The following STAT5B variants were observed in gnomAD, a reference collection of about 807,000 sequenced individuals.
STAT5B encodes the protein signal transducer and activator of transcription 5B.
STAT5B carries 21 observed loss-of-function variants against 107.8 expected under a neutral mutation model. The observed-to-expected ratio is 0.19, with a 90% CI of 0.14 to 0.28. The LOEUF is 0.28. Among genes scored for constraint, STAT5B ranks in the 10% least tolerant of loss-of-function variants. The probability of loss-of-function intolerance (pLI) is 1.00; values close to 1 mark genes in which losing one functional copy is unlikely to be tolerated. For missense variants in STAT5B, 565 were observed against 1,008.2 expected, an observed-to-expected ratio of 0.56 and a Z score of 5.95; for synonymous variants, 325 against 401.7, an observed-to-expected ratio of 0.81 and a Z score of 2.28.
At chr17:42,257,691 G>C (rs1009002427) in intron 1 of STAT5B, among the ~76,000 whole-genome samples, 1 of 152,168 alleles carries the variant, frequency 6.6e-6, no homozygotes, top group Admixed American at 6.5e-5. Context: ...ATAGAGCATG[G>C]AGTTAAAAAT....
intron 16 of STAT5B, among the ~76,000 whole-genome samples, chr17:42,206,781 G>C: frequency 6.6e-6 from 1 of 151,576 alleles, no homozygotes; most frequent in East Asian, 1.9e-4. Flanking sequence ...CTCCACGTTG[G>C]TCAGGCTGGT....
intron 12 of STAT5B, among the ~76,000 whole-genome samples, chr17:42,215,533 G>A (rs900418733): frequency 1.3e-5 from 2 of 152,140 alleles, no homozygotes; most frequent in African/African-American, 4.8e-5. Context: ...TTCAAACCCT[G>A]GCCCGATGTC....
rs2080133218 is a variant in STAT5B at position 42,211,976 on chromosome 17, C to A, written c.1680+8G>T. ...GATCTAACAGCGGCTGGCAGCTGGG[C>A]TCCTCACCCTGTTGAACTGGGACCA... On this transcript the variant is annotated splice_region_variant and intron_variant, in intron 13 of 18. Transcript: ENST00000293328. 1.2e-6 allele frequency: 2 copies of A among 1,607,068 alleles called. No homozygotes were observed. The highest frequency in any genetic ancestry group is 1.7e-6 in the Non-Finnish European group (2 of 1,176,876).
intron 3 of STAT5B, among the ~76,000 whole-genome samples, chr17:42,227,302 A>C (rs971471496): frequency 6.6e-6 from 1 of 151,596 alleles, no homozygotes; most frequent in Non-Finnish European, 1.5e-5. Flanking sequence ...CAACAGGTGA[A>C]TATGGGCATA....
At chr17:42,266,879 G>T (rs1383383179) in intron 1 of STAT5B, among the ~76,000 whole-genome samples, 1 of 152,148 alleles carries the variant, frequency 6.6e-6, no homozygotes, top group East Asian at 1.9e-4. Context: ...ACATTACAAT[G>T]AAATTAGTAT....
intron 1 of STAT5B, among the ~76,000 whole-genome samples, chr17:42,268,959 T>C (rs968142534): frequency 6.6e-6 from 1 of 152,242 alleles, no homozygotes; most frequent in Non-Finnish European, 1.5e-5. Flanking sequence ...TCTTTTTATA[T>C]AGGCTACAAT....
At chr17:42,259,571 G>T (rs763448488) in intron 1 of STAT5B, among the ~76,000 whole-genome samples, 19 of 152,136 alleles carry the variant, frequency 1.2e-4, no homozygotes, top group Non-Finnish European at 2.6e-4. Context: ...TGGATCACCT[G>T]AGGTCAGGAG....
intron 1 of STAT5B, chr17:42,272,767 A>G (rs2144436986): frequency 6.6e-6 from 1 of 152,338 alleles, no homozygotes; most frequent in South Asian, 2.1e-4. Context: ...CCATTTAAAA[A>G]AAAAGGAAAC....
intron 1 of STAT5B, chr17:42,270,985 T>C (rs866045093): frequency 6.6e-6 from 1 of 151,018 alleles, no homozygotes; most frequent in Admixed American, 6.6e-5. Context: ...CTTGAAGGCG[T>C]TGGAACATTT....
chr17:42,275,699 T>C (rs574699999), intron 1 of STAT5B: 1 of 148,958 alleles, frequency 6.7e-6, no homozygotes, highest in East Asian at 2.0e-4. Flanking sequence ...CCCCCCAGAG[T>C]CTTATCGAAA....
intron 17 of STAT5B, 70 bp from the exon 18 acceptor site, chr17:42,202,517 A>G: frequency 6.4e-7 from 1 of 1,559,804 alleles, no homozygotes; most frequent in South Asian, 1.1e-5. Context: ...GAGGGGACCA[A>G]GGGGTATCTT....
chr17:42,211,396 C>T lies in STAT5B; in HGVS notation c.1680+588G>A, dbSNP rs553863791. 3.3e-5 allele frequency among the ~76,000 whole-genome samples: 5 copies of T among 152,100 alleles called. No individual in the cohort carries two copies. The South Asian group carries it at 6.2e-4, about 19-fold the overall frequency. On this transcript the variant is annotated intron_variant, in intron 13 of 18. Transcript: ENST00000293328. ...TGCCGCATGCCTGTAATCCCAGCTA[C>T]TCGGGAGGCTGAGGCAGGAGAATCG...
chr17:42,284,374 A>T, the STAT5B span, among the ~76,000 whole-genome samples: 27 of 151,306 alleles, frequency 1.8e-4, no homozygotes, highest in African/African-American at 6.3e-4. Flanking sequence ...TCAAGTGATT[A>T]TCCTGCCTCA....
chr17:42,245,516 C>T (rs1170404786), intron 1 of STAT5B, among the ~76,000 whole-genome samples: 2 of 151,906 alleles, frequency 1.3e-5, no homozygotes, highest in South Asian at 2.1e-4. Flanking sequence ...CAATGCCTGG[C>T]TAATTTTTTA....
At chr17:42,214,875 C>T (rs150788749) in intron 12 of STAT5B, among the ~76,000 whole-genome samples, 6 of 152,144 alleles carry the variant, frequency 3.9e-5, no homozygotes, top group East Asian at 1.9e-4. Context: ...TCAGCCCCCC[C>T]CAAGTAGCTG....
intron 2 of STAT5B, among the ~76,000 whole-genome samples, chr17:42,228,987 T>G (rs1482658728): frequency 6.6e-6 from 1 of 152,152 alleles, no homozygotes. Flanking sequence ...GTCCATCAAA[T>G]AGTACACCCC....
intron 16 of STAT5B, among the ~76,000 whole-genome samples, chr17:42,206,840 G>C (rs1476206947): frequency 6.8e-6 from 1 of 146,520 alleles, no homozygotes; most frequent in Non-Finnish European, 1.5e-5. Context: ...CTCCCAAAGT[G>C]CTGGGATTAT....
Position 42,249,851 on chromosome 17 carries a change from G to A in STAT5B, c.-10-17714C>T, listed in dbSNP as rs557977774. On this transcript the variant is annotated intron_variant, in intron 1 of 18. Coordinates refer to ENST00000293328, the MANE Select transcript of STAT5B (RefSeq NM_012448.4). Reference sequence around the variant, plus strand: ...CATTTTTTGTATTTTTAGTAGAAACGGGGCTTCATTATGTTGCCCAGGCTG... The same window carrying A: ...CATTTTTTGTATTTTTAGTAGAAACAGGGCTTCATTATGTTGCCCAGGCTG... Among the ~76,000 whole-genome samples, 242 of 152,008 alleles carry A rather than the reference G, an allele frequency of 1.6e-3. 1 individual carries two copies. The highest frequency in any genetic ancestry group is 3.5e-4 in the Non-Finnish European group (24 of 67,962).
At chr17:42,221,897 CTGTG>C (rs940479165) in intron 5 of STAT5B, among the ~76,000 whole-genome samples, 30 of 149,492 alleles carry the variant, frequency 2.0e-4, no homozygotes, top group African/African-American at 5.2e-4. Flanking sequence ...GGAGCATGTG[CTGTG>C]TGTGTGTGTG....
Sources: allele counts gnomAD v4.1 joint callset (sites outside exome capture counted in the v4.1 genomes callset), GRCh38; gene constraint gnomAD v4.1.1; transcripts MANE v1.5; gene names NCBI Gene and HGNC (gene_info 2026-07-23, HGNC 2026-07-21).